SRGAP1: variants seen among roughly 807,000 people sequenced by gnomAD.
SRGAP1 encodes the protein SLIT-ROBO Rho GTPase-activating protein 1.
Under a neutral mutation model 121.9 loss-of-function variants are expected in SRGAP1, and 43 were observed. The ratio of observed to expected loss-of-function variants is 0.35; its 90% CI spans 0.28 to 0.46. SRGAP1 has a LOEUF of 0.46. Ranked by LOEUF, SRGAP1 falls within the 20% of genes least tolerant of loss-of-function variation. The pLI is 1.00. For synonymous variants in SRGAP1, 447 were observed against 485.4 expected (o/e 0.92, Z 1.04); for missense variants, 1,102 against 1,350.9 (o/e 0.82, Z 2.89).
At chr12:63,945,920 AC>A (rs940990504) in intron 1 of SRGAP1, among the ~76,000 whole-genome samples, 1 of 152,102 alleles carries the variant, frequency 6.6e-6, no homozygotes, top group Non-Finnish European at 1.5e-5. Flanking sequence ...CCTCTGCAAC[AC>A]CTTTCTACCT....
chr12:63,987,551 GTC>G (rs2033450054), intron 2 of SRGAP1, among the ~76,000 whole-genome samples: 2 of 152,080 alleles, frequency 1.3e-5, no homozygotes, highest in East Asian at 1.9e-4. Context: ...AGTGAAACCT[GTC>G]TCTACTAAAA....
intron 3 of SRGAP1, among the ~76,000 whole-genome samples, chr12:64,004,256 C>T (rs916277012): frequency 1.6e-4 from 25 of 152,318 alleles, no homozygotes; most frequent in African/African-American, 6.0e-4. Context: ...CGCAGTCCCT[C>T]ATGTCCCATG....
At position 64,091,973 on chromosome 12, in the gene SRGAP1, A is replaced by AT. The variant is rs144562824; in HGVS notation, c.1539+599dup. Reference sequence around the variant, plus strand: ...AGGGTGCTCTTTCACTGTTGGTATCATTTTCAAGTCGTGCTCATGCTTGGC... The same window carrying AT: ...AGGGTGCTCTTTCACTGTTGGTATCATTTTTCAAGTCGTGCTCATGCTTGGC... On this transcript the variant is annotated intron_variant, in intron 12 of 21. Coordinates refer to ENST00000355086, the MANE Select transcript of SRGAP1 (RefSeq NM_020762.4). 2.0e-3 allele frequency: 2,928 copies of AT among 1,473,522 alleles called. 50 individuals are homozygous for AT. In the African/African-American group the frequency reaches 0.036, roughly 18 times the overall value. The allele number at this position is 1,473,522 out of a possible 1,614,324, so 91.3% of individuals were successfully genotyped here.
In SRGAP1 at chr12:64,127,647, G is replaced by C. The variant is rs1295187865; in HGVS notation, c.2463G>C (p.Gly821=). The change falls in exon 20 of 22, where the codon GGG becomes GGC. Residue 821 remains glycine (G), a synonymous_variant. Coordinates refer to ENST00000355086, the MANE Select transcript of SRGAP1 (RefSeq NM_020762.4). The part of the protein sequence containing the change: ...SQKADSEASS[G]PVTEDKSSSK... ...AAGCCGACAGTGAGGCCAGCAGTGG[G>C]CCAGTCACGGAAGACAAGTCCTCAT... 1 of 1,614,062 alleles carries C rather than the reference G, an allele frequency of 6.2e-7. No homozygotes were observed. The highest frequency in any genetic ancestry group is 8.5e-7 in the Non-Finnish European group (1 of 1,180,002).
intron 1 of SRGAP1, among the ~76,000 whole-genome samples, chr12:63,905,716 G>A (rs2030171463): frequency 6.6e-6 from 1 of 152,222 alleles, no homozygotes; most frequent in Non-Finnish European, 1.5e-5. Context: ...AGCCACAGTA[G>A]CCTGGGGCCA....
intron 11 of SRGAP1, among the ~76,000 whole-genome samples, chr12:64,088,802 G>A (rs1271490577): frequency 6.6e-6 from 1 of 152,116 alleles, no homozygotes; most frequent in Non-Finnish European, 1.5e-5. Context: ...CCCTCCATTA[G>A]CCAGCATTAC....
At chr12:64,111,712 CT>C (rs768816184) in intron 16 of SRGAP1, 49 bp from the exon 17 acceptor site, 10 of 1,469,992 alleles carry the variant, frequency 6.8e-6, no homozygotes, top group Non-Finnish European at 8.3e-6. Flanking sequence ...CATTTATATC[CT>C]TTTTTTCTCT....
At chr12:63,949,831 G>A (rs1231588522) in intron 1 of SRGAP1, among the ~76,000 whole-genome samples, 1 of 152,096 alleles carries the variant, frequency 6.6e-6, no homozygotes, top group Non-Finnish European at 1.5e-5. Flanking sequence ...CATCACCAGA[G>A]GAATCCAATT....
In SRGAP1 at chr12:64,154,443, G is replaced by A. The variant is rs1163278066; in HGVS notation, c.*11771G>A. 1 of 152,142 alleles carries A rather than the reference G, an allele frequency of 6.6e-6. No individual in the cohort carries two copies. Among genetic ancestry groups the A allele is most frequent in the Non-Finnish European group, 1.5e-5 (1 of 68,036 alleles). 9.4% of individuals were successfully genotyped at this position (152,142 alleles called of 1,614,324 possible). On this transcript the variant is annotated 3_prime_UTR_variant, in exon 22 of 22. Transcript: ENST00000355086. The stretch of plus-strand genomic sequence containing the variant: ...GAGGGTGGCTTGGACTAGATAGCCA[G>A]GTAGAAGGAGAGGAAGGGATGAACC...
intron 3 of SRGAP1, among the ~76,000 whole-genome samples, chr12:63,999,021 AGTAAGGGGAGAAGCCCCTTACTTC>A (rs2033798449): frequency 6.6e-6 from 1 of 152,182 alleles, no homozygotes; most frequent in South Asian, 2.1e-4. Context: ...TTAATTGTAC[AGTAAGGGGAGAAGCCCCTTACTTC>A]TTATGACTTG....
intron 6 of SRGAP1, among the ~76,000 whole-genome samples, chr12:64,061,790 G>A (rs1397982683): frequency 4.6e-5 from 7 of 152,236 alleles, no homozygotes; most frequent in Middle Eastern, 6.8e-3. Flanking sequence ...AAAATCATAT[G>A]TGGTCTTTTG....
At chr12:64,016,246 G>C (rs1273569715) in intron 3 of SRGAP1, among the ~76,000 whole-genome samples, 1 of 152,112 alleles carries the variant, frequency 6.6e-6, no homozygotes, top group African/African-American at 2.4e-5. Context: ...AGACCAGTCT[G>C]GGCAATATGG....
chr12:63,919,785 T>C (rs2030968244), intron 1 of SRGAP1, among the ~76,000 whole-genome samples: 1 of 152,226 alleles, frequency 6.6e-6, no homozygotes, highest in Admixed American at 6.5e-5. Context: ...TTGTTTGTTT[T>C]GATTTGTAAA....
rs551080582 is a variant in SRGAP1 at position 64,158,989 on chromosome 12, T to C, written c.*16317T>C. On this transcript the variant is annotated 3_prime_UTR_variant, in exon 22 of 22. Coordinates refer to ENST00000355086, the MANE Select transcript of SRGAP1 (RefSeq NM_020762.4). Reference sequence around the variant, plus strand: ...CTATGTACTAAATCTAGCCAGTGGGTTGTGAGCAAAAATGATCTGTGTCAC... The same window carrying C: ...CTATGTACTAAATCTAGCCAGTGGGCTGTGAGCAAAAATGATCTGTGTCAC... 6.6e-6 allele frequency: 1 copy of C among 152,150 alleles called. No individual in the cohort carries two copies. Among genetic ancestry groups the C allele is most frequent in the South Asian group, 2.1e-4 (1 of 4,820 alleles). 9.4% of individuals were successfully genotyped at this position (152,150 alleles called of 1,614,324 possible).
Position 64,097,052 on chromosome 12 carries a change from A to G in SRGAP1, c.1679-189A>G, listed in dbSNP as rs1428637625. 2.0e-5 allele frequency among the ~76,000 whole-genome samples: 3 copies of G among 152,288 alleles called. No individual in the cohort carries two copies. In the South Asian group the frequency reaches 6.2e-4, roughly 32 times the overall value. ...GATTTTAAAAGCTTTATTTTAGTCA[A>G]CTGTTTTTAGGTTAATCATGGGGTG... On this transcript the variant is annotated intron_variant, in intron 14 of 21. Transcript: ENST00000355086.
At chr12:64,062,461 G>A (rs952711458) in intron 6 of SRGAP1, among the ~76,000 whole-genome samples, 26 of 151,800 alleles carry the variant, frequency 1.7e-4, no homozygotes, top group Admixed American at 6.6e-5. Context: ...TACGTGATTT[G>A]CAAAAATATC....
At chr12:63,883,821 G>A (rs1018048685) in intron 1 of SRGAP1, among the ~76,000 whole-genome samples, 9 of 151,358 alleles carry the variant, frequency 5.9e-5, no homozygotes, top group African/African-American at 2.2e-4. Flanking sequence ...GCCACACCCG[G>A]CTAATTTTTT....
At chr12:63,845,718 C>T (rs1022099446) in intron 1 of SRGAP1, among the ~76,000 whole-genome samples, 20 of 152,158 alleles carry the variant, frequency 1.3e-4, no homozygotes, top group East Asian at 7.7e-4. Context: ...TGAAGTGTTT[C>T]GTAAACATAT....
At chr12:64,092,651 T>C (rs2036076265) in intron 12 of SRGAP1, among the ~76,000 whole-genome samples, 1 of 152,148 alleles carries the variant, frequency 6.6e-6, no homozygotes, top group Non-Finnish European at 1.5e-5. Context: ...TCTAATTTAA[T>C]ATAAAATTAT....
Sources: gnomAD v4.1 joint callset for allele counts (sites outside exome capture counted in the v4.1 genomes callset) on GRCh38, gnomAD v4.1.1 for gene constraint, MANE v1.5 for transcripts, NCBI Gene and HGNC (gene_info 2026-07-23, HGNC 2026-07-21) for gene names.